The following KHDRBS3 variants were observed in gnomAD, a reference collection of about 807,000 sequenced individuals.
KHDRBS3 encodes the protein KH domain-containing, RNA-binding, signal transduction-associated protein 3.
In KHDRBS3, 23 loss-of-function variants were observed where a neutral mutation model predicts 45.6. The ratio of observed to expected loss-of-function variants is 0.50; its 90% CI spans 0.36 to 0.72. KHDRBS3 has a LOEUF of 0.72. KHDRBS3 is among the 30% of genes least tolerant of loss of function. The probability of loss-of-function intolerance (pLI) is 0.00; values close to 1 mark genes in which losing one functional copy is unlikely to be tolerated. For synonymous variants in KHDRBS3, 162 were observed against 156.5 expected (o/e 1.04, Z -0.26); for missense variants, 352 against 424.8 (o/e 0.83, Z 1.51).
chr8:135,584,424 C>T (rs1828364485), intron 6 of KHDRBS3, among the ~76,000 whole-genome samples: 1 of 152,234 alleles, frequency 6.6e-6, no homozygotes, highest in South Asian at 2.1e-4. Flanking sequence ...AGTGCACCTC[C>T]TTCCCCGAGT....
intron 6 of KHDRBS3, among the ~76,000 whole-genome samples, chr8:135,591,511 ACTCACTAAGG>A (rs1828742165): frequency 6.6e-6 from 1 of 152,112 alleles, no homozygotes; most frequent in East Asian, 1.9e-4. Flanking sequence ...CAGCTTCATG[ACTCACTAAGG>A]CTGTGTAAGA....
intron 1 of KHDRBS3, among the ~76,000 whole-genome samples, chr8:135,462,135 G>A (rs1473269868): frequency 6.6e-6 from 1 of 152,054 alleles, no homozygotes; most frequent in Non-Finnish European, 1.5e-5. Context: ...ACTGTATTTA[G>A]GTATGGTGCC....
At chr8:135,477,820 T>C (rs752770397) in intron 1 of KHDRBS3, among the ~76,000 whole-genome samples, 4 of 152,192 alleles carry the variant, frequency 2.6e-5, no homozygotes, top group South Asian at 2.1e-4. Context: ...CCAAACCGGA[T>C]TGGCGTGATA....
chr8:135,615,640 T>C (rs4352883), intron 7 of KHDRBS3, among the ~76,000 whole-genome samples: 13,276 of 152,232 alleles, frequency 0.087, 1,009 homozygotes, highest in African/African-American at 0.2. Flanking sequence ...TATAAAGTTA[T>C]TGGAAGAGTA....
chr8:135,626,248 G>A (rs1830355339), intron 7 of KHDRBS3, among the ~76,000 whole-genome samples: 1 of 152,152 alleles, frequency 6.6e-6, no homozygotes, highest in South Asian at 2.1e-4. Flanking sequence ...ACTTTAAGCT[G>A]ACAGAGAATA....
intron 7 of KHDRBS3, among the ~76,000 whole-genome samples, chr8:135,620,134 G>C (rs902968973): frequency 6.7e-6 from 1 of 150,216 alleles, no homozygotes; most frequent in South Asian, 2.1e-4. Flanking sequence ...ATATAGTGGC[G>C]TGATCTCTGC....
chr8:135,622,475 A>AT (rs1446618552), intron 7 of KHDRBS3, among the ~76,000 whole-genome samples: 2 of 152,220 alleles, frequency 1.3e-5, no homozygotes, highest in Non-Finnish European at 2.9e-5. Context: ...CTGCCCTAAC[A>AT]TTGTGTCAAA....
At chr8:135,649,070 G>C (rs989595201), downstream of KHDRBS3, among the ~76,000 whole-genome samples, 5 of 152,060 alleles carry the variant, frequency 3.3e-5, no homozygotes, top group African/African-American at 1.2e-4. Flanking sequence ...TGAATTTTAT[G>C]AAACAAATGA....
chr8:135,589,517 C>G (rs539003891), intron 6 of KHDRBS3, among the ~76,000 whole-genome samples: 69 of 152,248 alleles, frequency 4.5e-4, no homozygotes, highest in South Asian at 4.2e-3. Context: ...AACTGTTTTC[C>G]CGAGCTCTTG....
chr8:135,525,751 A>G (rs1033295750), intron 2 of KHDRBS3, among the ~76,000 whole-genome samples: 4 of 152,198 alleles, frequency 2.6e-5, no homozygotes, highest in East Asian at 1.9e-4. Flanking sequence ...TTTGTGCTCA[A>G]TATGCTCTGT....
rs148841356 is a variant in KHDRBS3 at position 135,581,904 on chromosome 8, C to T, written c.638C>T (p.Pro213Leu). 78 of 1,604,012 alleles carry T rather than the reference C, an allele frequency of 4.9e-5. No homozygotes were observed. The highest frequency in any genetic ancestry group is 6.4e-5 in the Non-Finnish European group (75 of 1,173,366). Residue 213 changes from proline to leucine, a missense_variant, in exon 6 of 9, where the codon CCA becomes CTA. Transcript: ENST00000355849. ...GGAAGGGGAGGAGTTACAGCCCGGC[C>T]AGTTGGAGTTGTAGTACCACGAGGG... is the stretch of plus-strand genomic sequence containing the variant. ...TRGRGGVTAR[P>L]VGVVVPRGTP...
chr8:135,549,329 C>T (rs984848047), intron 4 of KHDRBS3: 3 of 152,640 alleles, frequency 2.0e-5, no homozygotes, highest in East Asian at 1.9e-4. Context: ...TAATATAATA[C>T]GTAATTTAGA....
intron 4 of KHDRBS3, among the ~76,000 whole-genome samples, chr8:135,554,198 A>G (rs935524891): frequency 1.3e-4 from 20 of 152,168 alleles, no homozygotes; most frequent in Admixed American, 3.9e-4. Flanking sequence ...GATATCTTAA[A>G]TGGACGTTAT....
At chr8:135,572,155 T>TG (rs2130888255) in intron 5 of KHDRBS3, among the ~76,000 whole-genome samples, 1 of 152,186 alleles carries the variant, frequency 6.6e-6, no homozygotes, top group Admixed American at 6.5e-5. Context: ...TAGTTAGAAA[T>TG]GACAGAGAAA....
chr8:135,515,795 T>C (rs777290799), intron 1 of KHDRBS3, among the ~76,000 whole-genome samples: 9 of 152,226 alleles, frequency 5.9e-5, no homozygotes, highest in Non-Finnish European at 1.2e-4. Flanking sequence ...GGGTAAAATA[T>C]TCACGTGGTT....
intron 1 of KHDRBS3, among the ~76,000 whole-genome samples, chr8:135,504,431 A>G (rs1298677104): frequency 6.6e-6 from 1 of 152,206 alleles, no homozygotes; most frequent in Non-Finnish European, 1.5e-5. Context: ...GCTTGAAATC[A>G]TGGAATTTAA....
At chr8:135,588,956 TC>T (rs1160430295) in intron 6 of KHDRBS3, among the ~76,000 whole-genome samples, 3 of 152,174 alleles carry the variant, frequency 2.0e-5, no homozygotes, top group African/African-American at 7.2e-5. Flanking sequence ...ATAACCAGAC[TC>T]CCAAGTTCTA....
Position 135,457,824 on chromosome 8 carries a change from C to G in KHDRBS3, c.-43C>G, listed in dbSNP as rs201121717. 589 of 1,373,822 alleles carry G rather than the reference C, an allele frequency of 4.3e-4. No homozygotes were observed. The highest frequency in any genetic ancestry group is 5.6e-4 in the Non-Finnish European group (568 of 1,021,886). 85.1% of individuals were successfully genotyped at this position (1,373,822 alleles called of 1,614,324 possible). On this transcript the variant is annotated 5_prime_UTR_variant, in exon 1 of 9. Transcript: ENST00000355849. This position sits in a 1 kb window ranked among gnomAD's most constrained non-coding sequence, Gnocchi z 4.4. ...TCGGGGGTTGCCGGGCGCCGCCCCCCGTGCGCCTGGAGTCCACATCCCGGG... is the reference window on the plus strand; with the variant it reads ...TCGGGGGTTGCCGGGCGCCGCCCCCGGTGCGCCTGGAGTCCACATCCCGGG...
intron 7 of KHDRBS3, among the ~76,000 whole-genome samples, chr8:135,627,731 C>T (rs1830436082): frequency 6.6e-6 from 1 of 152,138 alleles, no homozygotes; most frequent in African/African-American, 2.4e-5. Flanking sequence ...TTTCCAGCAC[C>T]CCAGAAGTTT....
Sources: allele counts gnomAD v4.1 joint callset (sites outside exome capture counted in the v4.1 genomes callset), GRCh38; gene constraint gnomAD v4.1.1; non-coding constraint Gnocchi (gnomAD v3.1); transcripts MANE v1.5; gene names NCBI Gene and HGNC (gene_info 2026-07-23, HGNC 2026-07-21).